TCF20: variants seen among roughly 807,000 people sequenced by gnomAD.
The protein encoded by TCF20 is transcription factor 20.
TCF20 carries 3 observed loss-of-function variants against 148.6 expected under a neutral mutation model. That is an observed-to-expected ratio of 0.02 (90% CI 0.01 to 0.05). The LOEUF is 0.05. TCF20 is among the 10% of genes least tolerant of loss of function. The pLI is 1.00. For synonymous variants in TCF20, 1,049 were observed against 909.5 expected (o/e 1.15, Z -2.76); for missense variants, 2,350 against 2,429.3 (o/e 0.97, Z 0.69).
rs555298793 is a variant in TCF20 at position 42,342,606 on chromosome 22, C to T, written c.-37+873G>A. Among the ~76,000 whole-genome samples, 55 of 152,298 alleles carry T rather than the reference C, an allele frequency of 3.6e-4. 1 individual carries two copies. In the East Asian group the frequency reaches 5.2e-3, roughly 14 times the overall value. ...GAGGAGGCAGGGGCCTGCCAAGGGC[C>T]GGGTGTGTGGCTAGGCAGCCCCACC... On this transcript the variant is annotated intron_variant, in intron 1 of 1. Coordinates refer to the TCF20 transcript ENST00000515426.
chr22:42,165,666 G>C (rs528450775), intron 5 of TCF20, among the ~76,000 whole-genome samples: 1 of 152,330 alleles, frequency 6.6e-6, no homozygotes, highest in South Asian at 2.1e-4. Flanking sequence ...ATAAGAGACA[G>C]CTGCAGGGTC....
chr22:42,324,291 G>T (rs2147053356), intron 1 of TCF20, among the ~76,000 whole-genome samples: 1 of 151,820 alleles, frequency 6.6e-6, no homozygotes, highest in South Asian at 2.1e-4. Context: ...GTGTGGGAGG[G>T]AGGAGAGACG....
intron 1 of TCF20, among the ~76,000 whole-genome samples, chr22:42,239,111 C>A (rs755780747): frequency 1.3e-5 from 2 of 149,082 alleles, no homozygotes; most frequent in Non-Finnish European, 3.0e-5. Flanking sequence ...GAGCGAGACT[C>A]CATCTCAAAA....
At chr22:42,316,104 T>C (rs569127277) in intron 1 of TCF20, among the ~76,000 whole-genome samples, 468 of 115,070 alleles carry the variant, frequency 4.1e-3, no homozygotes, top group South Asian at 8.3e-3. Context: ...CAAGACTCTG[T>C]CTCAAAAAAA....
chr22:42,324,836 A>C (rs964230138), intron 1 of TCF20, among the ~76,000 whole-genome samples: 33 of 152,214 alleles, frequency 2.2e-4, no homozygotes, highest in African/African-American at 7.7e-4. Flanking sequence ...GGGGAGTCTT[A>C]TTATCTCCAT....
chr22:42,252,090 CG>C (rs1002441855), intron 1 of TCF20, among the ~76,000 whole-genome samples: 2 of 150,120 alleles, frequency 1.3e-5, no homozygotes, highest in African/African-American at 4.9e-5. Flanking sequence ...GGCAACATGG[CG>C]AAACTCTGTC....
chr22:42,215,742 A>G (rs1921702048), intron 1 of TCF20, among the ~76,000 whole-genome samples: 1 of 152,142 alleles, frequency 6.6e-6, no homozygotes, highest in South Asian at 2.1e-4. Flanking sequence ...AAGTGCTGGA[A>G]TTACAGGCAT....
intron 2 of TCF20, among the ~76,000 whole-genome samples, chr22:42,188,240 G>C (rs1025170000): frequency 1.2e-4 from 16 of 128,488 alleles, no homozygotes; most frequent in African/African-American, 4.4e-4. Context: ...GTTGCAGTGA[G>C]CGAGATCATG....
upstream of TCF20, among the ~76,000 whole-genome samples, chr22:42,270,676 G>T (rs1368217244): frequency 7.0e-6 from 1 of 142,892 alleles, no homozygotes; most frequent in Admixed American, 6.9e-5. Flanking sequence ...GACGGCGCGC[G>T]GCCAATGGGG....
rs1927512705 is a variant in TCF20 at position 42,310,435 on chromosome 22, G to A, written c.-37+33044C>T. 2.1e-5 allele frequency among the ~76,000 whole-genome samples: 3 copies of A among 143,722 alleles called. No homozygotes were observed. The South Asian group carries it at 7.6e-4, about 36-fold the overall frequency. 94.3% of individuals were successfully genotyped at this position (143,722 alleles called of 152,430 possible). A position where few individuals can be genotyped will look rare whatever the true frequency, so the allele number is the denominator to read the frequency against. ...ACCCATTGATGCCAGCTCTCTGGGG[G>A]GTTGTGCGGGGGGGAGTAAGTGGTG... On this transcript the variant is annotated intron_variant, in intron 1 of 1. Transcript: ENST00000515426.
intron 5 of TCF20, among the ~76,000 whole-genome samples, chr22:42,163,458 C>CA (rs1935586359): frequency 6.6e-6 from 1 of 152,216 alleles, no homozygotes; most frequent in African/African-American, 2.4e-5. Flanking sequence ...GTTGTTCCTT[C>CA]AGTAGGGAAA....
intron 1 of TCF20, among the ~76,000 whole-genome samples, chr22:42,293,592 G>A (rs1033513130): frequency 6.6e-6 from 1 of 152,220 alleles, no homozygotes. Flanking sequence ...TTCAGGCTAT[G>A]GGAAGGGGAG....
intron 3 of TCF20, among the ~76,000 whole-genome samples, chr22:42,173,535 TTACTCCA>T (rs1238925339): frequency 6.6e-6 from 1 of 152,200 alleles, no homozygotes; most frequent in Non-Finnish European, 1.5e-5. Context: ...AAACTGCTCT[TTACTCCA>T]TAAGGGAGGT....
At chr22:42,201,307 C>T (rs1937997575) in intron 2 of TCF20, among the ~76,000 whole-genome samples, 1 of 152,124 alleles carries the variant, frequency 6.6e-6, no homozygotes, top group South Asian at 2.1e-4. Context: ...CTAATACAAG[C>T]CCTCTGGAGT....
Position 42,213,870 on chromosome 22 carries a change from A to G in TCF20, c.1436T>C (p.Leu479Pro). The change falls in exon 2 of 6, where the codon CTG becomes CCG. Residue 479 changes from leucine to proline, a missense_variant. This residue lies in a region of TCF20 where 1,641 missense variants were observed against 1,662.6 expected (regional missense o/e 0.99). Coordinates refer to ENST00000677622, the MANE Select transcript of TCF20 (RefSeq NM_001378418.1). ...CTTGGAGGTCTTCTTCTGAGGAGTC[A>G]GGGCATCAGAAAGTAACATGTGCTG... ...TVQHMLLSDALTPQKKTSKRP... is the reference protein window; with the variant it reads ...TVQHMLLSDAPTPQKKTSKRP... 1 of 1,614,188 alleles carries G rather than the reference A, an allele frequency of 6.2e-7. No individual in the cohort carries two copies. The highest frequency in any genetic ancestry group is 1.1e-5 in the South Asian group (1 of 91,086).
At chr22:42,339,130 C>T in intron 1 of TCF20, among the ~76,000 whole-genome samples, 1 of 152,208 alleles carries the variant, frequency 6.6e-6, no homozygotes, top group Non-Finnish European at 1.5e-5. Context: ...ACCAAAGACA[C>T]ACAGCGAAGC....
intron 1 of TCF20, among the ~76,000 whole-genome samples, chr22:42,259,592 T>G (rs1278492542): frequency 6.6e-6 from 1 of 152,204 alleles, no homozygotes; most frequent in Non-Finnish European, 1.5e-5. Context: ...ATTCCAATAT[T>G]CGCTTCCTCA....
chr22:42,240,193 G>C (rs1924271856), intron 1 of TCF20, among the ~76,000 whole-genome samples: 1 of 152,168 alleles, frequency 6.6e-6, no homozygotes, highest in Admixed American at 6.5e-5. Context: ...AGGCAGAATA[G>C]TCATTTGCTT....
At chr22:42,236,722 A>G (rs1453857447) in intron 1 of TCF20, among the ~76,000 whole-genome samples, 1 of 152,220 alleles carries the variant, frequency 6.6e-6, no homozygotes, top group East Asian at 1.9e-4. Context: ...ATCAGCCACA[A>G]GCATAACATT....
Sources: gnomAD v4.1 joint callset for allele counts (sites outside exome capture counted in the v4.1 genomes callset) on GRCh38, gnomAD v4.1.1 for gene constraint, gnomAD v4.1.1 regional missense constraint, MANE v1.5 for transcripts, NCBI Gene and HGNC (gene_info 2026-07-23, HGNC 2026-07-21) for gene names.